The following TAOK3 variants were observed in gnomAD, a reference collection of about 807,000 sequenced individuals.
TAOK3 encodes serine/threonine-protein kinase TAO3.
A neutral mutation model predicts 120.4 loss-of-function variants in TAOK3; 40 were observed. The ratio of observed to expected loss-of-function variants is 0.33; its 90% confidence interval spans 0.26 to 0.43. The LOEUF is 0.43. Among genes scored for constraint, TAOK3 ranks in the 20% least tolerant of loss-of-function variants. The pLI is 1.00. For synonymous variants in TAOK3, 355 were observed against 387.5 expected (o/e 0.92, Z 0.99); for missense variants, 821 against 1,112.1 (o/e 0.74, Z 3.72).
intron 11 of TAOK3, among the ~76,000 whole-genome samples, chr12:118,206,649 T>G (rs1309481111): frequency 3.9e-5 from 6 of 152,042 alleles, no homozygotes; most frequent in East Asian, 1.9e-4. Context: ...CAGGCTGGAG[T>G]GCAGTGGCGC....
chr12:118,158,500 G>C (rs1358864361), intron 19 of TAOK3, among the ~76,000 whole-genome samples: 1 of 152,062 alleles, frequency 6.6e-6, no homozygotes, highest in Non-Finnish European at 1.5e-5. Flanking sequence ...GTTCTAGCTT[G>C]GTAAGATAAT....
intron 9 of TAOK3, 123 bp from the exon 10 acceptor site, chr12:118,214,233 T>C (rs961670111): frequency 4.3e-6 from 3 of 697,994 alleles, no homozygotes; most frequent in Non-Finnish European, 7.1e-6. Flanking sequence ...TCATGCCACA[T>C]AATCCACTTA....
intron 2 of TAOK3, among the ~76,000 whole-genome samples, chr12:118,264,053 C>T (rs757683495): frequency 6.6e-6 from 1 of 152,158 alleles, no homozygotes; most frequent in African/African-American, 2.4e-5. Flanking sequence ...GCAACAAGAG[C>T]GAAACTCTGT....
At chr12:118,343,171 C>T (rs1023705400) in intron 1 of TAOK3, among the ~76,000 whole-genome samples, 6 of 151,776 alleles carry the variant, frequency 4.0e-5, no homozygotes, top group East Asian at 2.0e-4. Flanking sequence ...CTCATGCCTG[C>T]AATCCCAGCA....
chr12:118,320,957 TAGGA>T (rs1449376755), intron 1 of TAOK3, among the ~76,000 whole-genome samples: 2 of 152,182 alleles, frequency 1.3e-5, no homozygotes, highest in East Asian at 1.9e-4. Flanking sequence ...AGCAGATCTA[TAGGA>T]AGGAAGTCCT....
intron 13 of TAOK3, among the ~76,000 whole-genome samples, chr12:118,196,543 A>C (rs2037738786): frequency 6.6e-6 from 1 of 152,174 alleles, no homozygotes; most frequent in Admixed American, 6.6e-5. Flanking sequence ...AAAAGAAAAG[A>C]TATATCTGCT....
chr12:118,296,120 C>T (rs1464013622), intron 1 of TAOK3, among the ~76,000 whole-genome samples: 1 of 152,144 alleles, frequency 6.6e-6, no homozygotes, highest in African/African-American at 2.4e-5. Flanking sequence ...GTGGCAAACA[C>T]TTAAAATTTG....
At chr12:118,342,031 A>G (rs2044641246) in intron 1 of TAOK3, among the ~76,000 whole-genome samples, 1 of 152,212 alleles carries the variant, frequency 6.6e-6, no homozygotes, top group South Asian at 2.1e-4. Context: ...TCAAAAAACA[A>G]AAAACAAACC....
chr12:118,220,389 C>G (rs1248900401), intron 9 of TAOK3, among the ~76,000 whole-genome samples: 1 of 151,902 alleles, frequency 6.6e-6, no homozygotes, highest in African/African-American at 2.4e-5. Flanking sequence ...TAAACTCTGT[C>G]AACAAACAAA....
chr12:118,313,191 T>C (rs2043323624), intron 1 of TAOK3, among the ~76,000 whole-genome samples: 1 of 152,210 alleles, frequency 6.6e-6, no homozygotes. Flanking sequence ...GGCAAGACAT[T>C]ACAGAAGACA....
chr12:118,238,584 T>G (rs1437546005), intron 6 of TAOK3, among the ~76,000 whole-genome samples: 1 of 152,182 alleles, frequency 6.6e-6, no homozygotes, highest in African/African-American at 2.4e-5. Flanking sequence ...TTTTCATTAT[T>G]TGTGAAAGAA....
intron 1 of TAOK3, among the ~76,000 whole-genome samples, chr12:118,292,443 C>T (rs2042520091): frequency 6.6e-6 from 1 of 152,146 alleles, no homozygotes; most frequent in South Asian, 2.1e-4. Flanking sequence ...ATGTAATCAA[C>T]AACATCATCA....
intron 3 of TAOK3, among the ~76,000 whole-genome samples, chr12:118,250,045 G>T (rs2040682250): frequency 6.6e-6 from 1 of 152,076 alleles, no homozygotes; most frequent in African/African-American, 2.4e-5. Flanking sequence ...AAATGAACAT[G>T]CGCAGTCCTT....
At chr12:118,188,676 TAGA>T (rs1206701638) in intron 14 of TAOK3, among the ~76,000 whole-genome samples, 2 of 152,158 alleles carry the variant, frequency 1.3e-5, no homozygotes, top group African/African-American at 4.8e-5. Flanking sequence ...ACTTGAGAAA[TAGA>T]AGTAGAAATC....
chr12:118,195,627 G>A (rs1356269332), intron 13 of TAOK3, among the ~76,000 whole-genome samples: 7 of 152,234 alleles, frequency 4.6e-5, no homozygotes, highest in Admixed American at 1.3e-4. Flanking sequence ...TACCAGTCTA[G>A]AGATGTGGTG....
intron 1 of TAOK3, among the ~76,000 whole-genome samples, chr12:118,336,922 A>G (rs915537188): frequency 2.0e-5 from 3 of 152,108 alleles, no homozygotes; most frequent in African/African-American, 7.2e-5. Context: ...AGATATACAA[A>G]TTAGCTGCCC....
At chr12:118,349,756 A>C (rs2045053654) in intron 1 of TAOK3, among the ~76,000 whole-genome samples, 1 of 152,204 alleles carries the variant, frequency 6.6e-6, no homozygotes, top group Non-Finnish European at 1.5e-5. Context: ...TTATATCATA[A>C]AATTTTATCT....
chr12:118,320,091 CA>C (rs968725026), intron 1 of TAOK3, among the ~76,000 whole-genome samples: 27 of 151,720 alleles, frequency 1.8e-4, no homozygotes, highest in African/African-American at 6.3e-4. Flanking sequence ...AAAAGCCAGA[CA>C]AAAAAGGACA....
intron 1 of TAOK3, among the ~76,000 whole-genome samples, chr12:118,298,488 T>C (rs1465793498): frequency 6.6e-6 from 1 of 152,158 alleles, no homozygotes; most frequent in Non-Finnish European, 1.5e-5. Flanking sequence ...AACACTCATA[T>C]AGACAAAAAA....
Sources: allele counts gnomAD v4.1 joint callset (sites outside exome capture counted in the v4.1 genomes callset), GRCh38; gene constraint gnomAD v4.1.1; transcripts MANE v1.5; gene names NCBI Gene and HGNC (gene_info 2026-07-23, HGNC 2026-07-21).